Variants in SLC4A8 observed in about 807,000 individuals in gnomAD.
SLC4A8 encodes the protein solute carrier family 4 member 8, also known as electroneutral sodium bicarbonate exchanger 1.
In SLC4A8, 40 loss-of-function variants were observed where a neutral mutation model predicts 125.0. The ratio of observed to expected loss-of-function variants is 0.32; its 90% CI spans 0.25 to 0.42. The LOEUF (loss-of-function observed/expected upper bound fraction) is 0.42. Among genes scored for constraint, SLC4A8 ranks in the 10% least tolerant of loss-of-function variants. The pLI is 1.00. For synonymous variants in SLC4A8, 456 were observed against 476.0 expected, an observed-to-expected ratio of 0.96 and a Z score of 0.55; for missense variants, 863 against 1,355.1, an observed-to-expected ratio of 0.64 and a Z score of 5.70.
At chr12:51,417,094 CCT>C (rs910796405) in intron 1 of SLC4A8, among the ~76,000 whole-genome samples, 5 of 150,930 alleles carry the variant, frequency 3.3e-5, no homozygotes, top group African/African-American at 1.2e-4. Context: ...AGTGAGACCC[CCT>C]GTCTCAAAAA....
At chr12:51,396,786 AT>A (rs1482003529) in intron 1 of SLC4A8, among the ~76,000 whole-genome samples, 9 of 151,872 alleles carry the variant, frequency 5.9e-5, no homozygotes, top group Non-Finnish European at 1.0e-4. Flanking sequence ...TTGAATGGTT[AT>A]TTTTTCCTAG....
Position 51,462,435 on chromosome 12 carries a change from A to G in SLC4A8, c.1227A>G (p.Pro409=). Residue 409 remains proline (P), a synonymous_variant, in exon 10 of 25, where the codon CCA becomes CCG. Transcript: ENST00000453097. ...GGGATCCCTCCATTAGAATTGAGCC[A>G]CCCAAAAATGTCCCTTCCCAGGTAA... ...GEWDPSIRIE[P]PKNVPSQEKR... is the part of the protein sequence containing the mutation. 3 of 1,578,866 alleles carry G rather than the reference A, an allele frequency of 1.9e-6. No homozygotes were observed. The highest frequency in any genetic ancestry group is 2.6e-6 in the Non-Finnish European group (3 of 1,165,782).
At position 51,489,777 on chromosome 12, in the gene SLC4A8, G is replaced by A. The variant is rs1422248459; in HGVS notation, c.2526G>A (p.Trp842Ter). 1 of 1,614,206 alleles carries A rather than the reference G, an allele frequency of 6.2e-7. No homozygotes were observed. The change falls in exon 19 of 25, where the codon TGG becomes TGA. Residue 842 changes from tryptophan (W) to a stop codon, truncating the protein, a stop_gained. Transcript: ENST00000453097. LOFTEE classifies it high-confidence loss of function. ...TCTGCTCCATCATGGGCCTGCCCTG[G>A]TTTGTAGCTGCAACTGTCTTGTCCA... ...LGVCSIMGLPWFVAATVLSIT... is the reference protein window; with the variant it reads ...LGVCSIMGLP
intron 1 of SLC4A8, among the ~76,000 whole-genome samples, chr12:51,426,364 A>T (rs942263331): frequency 5.9e-5 from 9 of 152,206 alleles, no homozygotes; most frequent in South Asian, 4.1e-4. Context: ...AAAAATAGGC[A>T]ATGTTCTTGC....
In SLC4A8 at chr12:51,459,966, A is replaced by G; in HGVS notation, c.871A>G (p.Met291Val). The change falls in exon 8 of 25, where the codon ATG (methionine) becomes GTG (valine). Residue 291 changes from methionine (M) to valine (V), a missense_variant. Transcript: ENST00000453097. ...GGACTTTCAGGTAGACCTTCATTTC[A>G]TGAAAAAAATTCCTACTGGGGCCGA... Reference protein sequence around the residue: ...VDLSKVDLHFMKKIPTGAEAS... With the variant: ...VDLSKVDLHFVKKIPTGAEAS... The G allele has an allele frequency of 6.2e-7, 1 of 1,613,632 alleles. No individual in the cohort carries two copies. Among genetic ancestry groups the G allele is most frequent in the East Asian group, 2.2e-5 (1 of 44,886 alleles).
chr12:51,441,408 G>A (rs982398147), intron 2 of SLC4A8, among the ~76,000 whole-genome samples: 1 of 152,126 alleles, frequency 6.6e-6, no homozygotes, highest in African/African-American at 2.4e-5. Flanking sequence ...CCTTATTTCA[G>A]CTCTTCCTTT....
chr12:51,420,785 C>G (rs766947173), upstream of SLC4A8, among the ~76,000 whole-genome samples: 9 of 152,166 alleles, frequency 5.9e-5, no homozygotes, highest in Non-Finnish European at 1.3e-4. Flanking sequence ...CAGGCATCCC[C>G]ATGGGAGACA....
intron 1 of SLC4A8, among the ~76,000 whole-genome samples, chr12:51,414,596 A>G (rs1948651026): frequency 6.6e-6 from 1 of 152,164 alleles, no homozygotes; most frequent in Admixed American, 6.6e-5. Context: ...ACAAAAAATC[A>G]TAAAACGAGG....
chr12:51,485,326 G>C (rs1265997298), intron 16 of SLC4A8, among the ~76,000 whole-genome samples: 1 of 152,064 alleles, frequency 6.6e-6, no homozygotes, highest in Non-Finnish European at 1.5e-5. Context: ...ATCTGGGTGG[G>C]AGCAGTGGCG....
rs1397669996 is a variant in SLC4A8 at position 51,459,952 on chromosome 12, T to C, written c.857T>C (p.Val286Ala). 6.2e-7 allele frequency: 1 copy of C among 1,612,106 alleles called. No individual in the cohort carries two copies. The highest frequency in any genetic ancestry group is 8.5e-7 in the Non-Finnish European group (1 of 1,179,170). Residue 286 changes from valine (V) to alanine (A), a missense_variant and splice_region_variant, in exon 8 of 25, where the codon GTA becomes GCA. Physicochemically the swap from Val to Ala is moderately conservative, Grantham distance 64 (BLOSUM62 0). Coordinates refer to ENST00000453097, the MANE Select transcript of SLC4A8 (RefSeq NM_001039960.3). ...CAGATGTTTCTTTTGGACTTTCAGG[T>C]AGACCTTCATTTCATGAAAAAAATT... ...CEHSPVDLSK[V>A]DLHFMKKIPT...
At position 51,515,335 on chromosome 12, in the gene SLC4A8, G is replaced by A. The variant is rs1938495273; in HGVS notation, c.*7897G>A. On this transcript the variant is annotated 3_prime_UTR_variant, in exon 25 of 25. Transcript: ENST00000453097. Reference sequence around the variant, plus strand: ...TTATCTGTGTCTGTCTGTCTGATTGGTTAGATTTGGCTGCCCTTCCAAGCT... The same window carrying A: ...TTATCTGTGTCTGTCTGTCTGATTGATTAGATTTGGCTGCCCTTCCAAGCT... The A allele has an allele frequency of 6.6e-6, 1 of 152,172 alleles. No individual in the cohort carries two copies. Among genetic ancestry groups the A allele is most frequent in the East Asian group, 1.9e-4 (1 of 5,194 alleles). 9.4% of individuals were successfully genotyped at this position (152,172 alleles called of 1,614,324 possible). A position where few individuals can be genotyped will look rare whatever the true frequency, so the allele number is the denominator to read the frequency against.
Position 51,489,730 on chromosome 12 carries a change from A to G in SLC4A8, c.2479A>G (p.Met827Val), listed in dbSNP as rs1219116834. ...CTGTGGCTACCACCTGGACCTACTGATGGTGGCCATCATGCTGGGTGTCTG... is the reference window on the plus strand; with the variant it reads ...CTGTGGCTACCACCTGGACCTACTGGTGGTGGCCATCATGCTGGGTGTCTG... ...KGCGYHLDLL[M>V]VAIMLGVCSI... Residue 827 changes from methionine to valine, a missense_variant, in exon 19 of 25, where the codon ATG (methionine) becomes GTG (valine). Around this residue, in one of 6 missense-constraint regions of SLC4A8, gnomAD observed 197 missense variants for 377.7 expected, o/e 0.52. Coordinates refer to ENST00000453097, the MANE Select transcript of SLC4A8 (RefSeq NM_001039960.3). 6.2e-7 allele frequency: 1 copy of G among 1,613,984 alleles called. No individual in the cohort carries two copies. The highest frequency in any genetic ancestry group is 1.3e-5 in the African/African-American group (1 of 74,916).
chr12:51,407,360 G>A lies in SLC4A8; in HGVS notation c.-112+15872G>A, dbSNP rs574112506. ...TGTAGCCTGGAACTCTTAGGCTCAA[G>A]CAATCCTGCCTGAGCCTCCCAAGTA... is the stretch of plus-strand genomic sequence containing the variant. On this transcript the variant is annotated intron_variant, in intron 1 of 24. Coordinates refer to the SLC4A8 transcript ENST00000358657. 2.0e-5 allele frequency among the ~76,000 whole-genome samples: 3 copies of A among 152,138 alleles called. No homozygotes were observed. In the East Asian group the frequency reaches 5.8e-4, roughly 29 times the overall value.
At chr12:51,498,646 C>G (rs1325561197) in intron 22 of SLC4A8, among the ~76,000 whole-genome samples, 2 of 148,100 alleles carry the variant, frequency 1.4e-5, no homozygotes, top group African/African-American at 2.5e-5. Context: ...TTTGGGAGGC[C>G]GAGGTGGTTG....
At chr12:51,495,884 G>A (rs1951448220) in intron 21 of SLC4A8, among the ~76,000 whole-genome samples, 2 of 152,164 alleles carry the variant, frequency 1.3e-5, no homozygotes, top group African/African-American at 4.8e-5. Flanking sequence ...GTATCCCACT[G>A]TATGTAAATA....
At chr12:51,505,461 G>C (rs897994850) in intron 23 of SLC4A8, among the ~76,000 whole-genome samples, 7 of 152,222 alleles carry the variant, frequency 4.6e-5, no homozygotes, top group African/African-American at 1.7e-4. Flanking sequence ...GAAAATGAAT[G>C]AAAAATGCCT....
At chr12:51,397,600 C>G (rs1948288892) in intron 1 of SLC4A8, among the ~76,000 whole-genome samples, 1 of 152,136 alleles carries the variant, frequency 6.6e-6, no homozygotes, top group Non-Finnish European at 1.5e-5. Context: ...AAAAAGAAGA[C>G]AAGTTATCCA....
chr12:51,439,648 A>C (rs1045604976), intron 1 of SLC4A8, among the ~76,000 whole-genome samples: 2 of 152,130 alleles, frequency 1.3e-5, no homozygotes, highest in Non-Finnish European at 2.9e-5. Context: ...TATGATTTAA[A>C]GGGTTGGAGC....
Position 51,461,205 on chromosome 12 carries a change from T to A in SLC4A8, c.1015T>A (p.Phe339Ile). 1 of 1,596,874 alleles carries A rather than the reference T, an allele frequency of 6.3e-7. No homozygotes were observed. The highest frequency in any genetic ancestry group is 8.6e-7 in the Non-Finnish European group (1 of 1,165,672). The change falls in exon 9 of 25, where the codon TTT becomes ATT. Residue 339 changes from phenylalanine to isoleucine, a missense_variant and splice_region_variant. By Grantham distance (21) the Phe-to-Ile change is conservative. Transcript: ENST00000453097. ...GLTEVPIPTR[F>I]LFILLGPVGK... ...TTCCTCCTCTGTGTGTTTTGCCAGA[T>A]TTTTGTTTATCTTATTGGGTCCAGT...
Sources: gnomAD v4.1 joint callset for allele counts (sites outside exome capture counted in the v4.1 genomes callset) on GRCh38, gnomAD v4.1.1 for gene constraint, gnomAD v4.1.1 regional missense constraint, MANE v1.5 for transcripts, NCBI Gene and HGNC (gene_info 2026-07-23, HGNC 2026-07-21) for gene names.